The following C5orf34 variants were observed in gnomAD, a reference collection of about 807,000 sequenced individuals.
C5orf34 encodes the protein chromosome 5 open reading frame 34.
A neutral mutation model predicts 78.4 loss-of-function variants in C5orf34; 73 were observed. The observed-to-expected ratio is 0.93, with a 90% confidence interval of 0.77 to 1.13. The LOEUF is 1.13. Ranked by LOEUF, C5orf34 falls within the 50% of genes most tolerant of loss-of-function variation. C5orf34 has a pLI of 0.00. For missense variants in C5orf34, 730 were observed against 732.7 expected, an observed-to-expected ratio of 1.00 and a Z score of 0.04; for synonymous variants, 251 against 246.6, an observed-to-expected ratio of 1.02 and a Z score of -0.17.
Position 43,486,944 on chromosome 5 carries a change from C to A in C5orf34, c.1888G>T (p.Asp630Tyr). The A allele has an allele frequency of 1.3e-6, 2 of 1,548,812 alleles. No individual in the cohort carries two copies. The highest frequency in any genetic ancestry group is 1.2e-5 in the South Asian group (1 of 80,052). The change falls in exon 13 of 13, where the codon GAC becomes TAC. Residue 630 changes from aspartate to tyrosine, a missense_variant. Transcript: ENST00000306862. ...KKTSEILHDI[D>Y]CLLSNSKK ...TTTTTAGAGTTTGATAGAAGACAGT[C>A]AATATCGTGAAGGATTTCAGAGGTT...
At chr5:43,507,359 G>A (rs1039390421) in intron 3 of C5orf34, among the ~76,000 whole-genome samples, 4 of 152,110 alleles carry the variant, frequency 2.6e-5, no homozygotes, top group Admixed American at 6.6e-5. Flanking sequence ...AATTTACCAT[G>A]CTATCTATAT....
At chr5:43,494,656 AC>A in intron 6 of C5orf34, 55 bp from the exon 7 acceptor site, 1 of 982,036 alleles carries the variant, frequency 1.0e-6, no homozygotes, top group Non-Finnish European at 1.6e-6. Flanking sequence ...GGCCTTTATT[AC>A]TTAGCTGCTT....
At chr5:43,494,450 A>G (rs1429321222) in intron 7 of C5orf34, 60 bp downstream of exon 7, 1 of 1,097,350 alleles carries the variant, frequency 9.1e-7, no homozygotes, top group African/African-American at 1.6e-5. Flanking sequence ...TAATCACAAG[A>G]AAATGTGCCA....
At position 43,486,900 on chromosome 5, in the gene C5orf34, T is replaced by C. The variant is rs909110300; in HGVS notation, c.*15A>G. On this transcript the variant is annotated 3_prime_UTR_variant, in exon 13 of 13. Coordinates refer to ENST00000306862, the MANE Select transcript of C5orf34 (RefSeq NM_198566.4). Reference sequence around the variant, plus strand: ...ATCCTTAAACTTTAATAATATGTTGTAATAATTCCATTTTTCACTTTTTAG... The same window carrying C: ...ATCCTTAAACTTTAATAATATGTTGCAATAATTCCATTTTTCACTTTTTAG... 6.9e-7 allele frequency: 1 copy of C among 1,452,008 alleles called. No individual in the cohort carries two copies. Among genetic ancestry groups the C allele is most frequent in the Admixed American group, 2.5e-5 (1 of 40,262 alleles). The allele number at this position is 1,452,008 out of a possible 1,614,324, so 89.9% of individuals were successfully genotyped here. A position where few individuals can be genotyped will look rare whatever the true frequency, so the allele number is the denominator to read the frequency against.
intron 11 of C5orf34, 74 bp from the exon 12 acceptor site, chr5:43,488,023 C>A: frequency 8.4e-7 from 1 of 1,185,398 alleles, no homozygotes; most frequent in Non-Finnish European, 1.2e-6. Flanking sequence ...AATAAGCATA[C>A]CTGACTTTTT....
intron 1 of C5orf34, among the ~76,000 whole-genome samples, chr5:43,510,462 C>T (rs1746180369): frequency 6.6e-6 from 1 of 152,150 alleles, no homozygotes; most frequent in African/African-American, 2.4e-5. Context: ...CCCTCTCCCT[C>T]TCTTTCTACG....
intron 4 of C5orf34, 158 bp downstream of exon 4, chr5:43,505,590 C>G: frequency 7.8e-6 from 5 of 644,890 alleles, no homozygotes; most frequent in Non-Finnish European, 1.3e-5. Flanking sequence ...AAAACATAAG[C>G]AACACATTTG....
intron 7 of C5orf34, among the ~76,000 whole-genome samples, chr5:43,494,060 G>C (rs1316123765): frequency 2.0e-5 from 3 of 151,896 alleles, no homozygotes; most frequent in African/African-American, 7.3e-5. Context: ...CATTCTTCTG[G>C]GTATCATAGA....
intron 5 of C5orf34, 69 bp downstream of exon 5, chr5:43,503,596 G>A (rs78152896): frequency 0.048 from 48,098 of 1,011,866 alleles, 1,921 homozygotes; most frequent in African/African-American, 0.18. Context: ...TATAAGGCTC[G>A]TCCCATCTTC....
Position 43,508,493 on chromosome 5 carries a change from G to GA in C5orf34, c.285+83dup, listed in dbSNP as rs1472204796. The GA allele has an allele frequency of 1.2e-5, 10 of 824,754 alleles. No individual in the cohort carries two copies. The East Asian group carries it at 2.0e-4, about 16-fold the overall frequency. 51.1% of individuals were successfully genotyped at this position (824,754 alleles called of 1,614,324 possible). On this transcript the variant is annotated intron_variant, in intron 3 of 12. Coordinates refer to ENST00000306862, the MANE Select transcript of C5orf34 (RefSeq NM_198566.4). ...ATGTATCCCCAGGTGTCCTGAAAAG[G>GA]AAAAAAAGGCTAAATATTAAATTAC... is the stretch of plus-strand genomic sequence containing the variant.
At chr5:43,511,311 C>G (rs6863112) in intron 1 of C5orf34, 157,670 of 160,424 alleles carry the variant, frequency 0.98, 77,544 homozygotes, top group Middle Eastern at 1. Flanking sequence ...TTAGTGAGGA[C>G]CGTCTCTGCC....
intron 4 of C5orf34, among the ~76,000 whole-genome samples, chr5:43,504,877 C>T (rs1745914264): frequency 6.6e-6 from 1 of 152,200 alleles, no homozygotes; most frequent in Non-Finnish European, 1.5e-5. Flanking sequence ...ATAATCATGA[C>T]AAGCCTAACA....
At chr5:43,497,248 AT>A (rs1745571399) in intron 6 of C5orf34, among the ~76,000 whole-genome samples, 1 of 152,148 alleles carries the variant, frequency 6.6e-6, no homozygotes. Flanking sequence ...TTCTTTTTAG[AT>A]AATACTAAAA....
chr5:43,512,316 T>C (rs1420687218), intron 1 of C5orf34, among the ~76,000 whole-genome samples: 2 of 152,102 alleles, frequency 1.3e-5, no homozygotes, highest in African/African-American at 4.8e-5. Flanking sequence ...CAGAAAAAAA[T>C]AACGTTCTAT....
Position 43,502,365 on chromosome 5 carries a change from G to T in C5orf34, c.1152+7C>A. ...CTCTTCTTGAGTTGAGTTCATTGTTGGCTTACCTTTCCTGATCCTTCTTGA... is the reference window on the plus strand; with the variant it reads ...CTCTTCTTGAGTTGAGTTCATTGTTTGCTTACCTTTCCTGATCCTTCTTGA... On this transcript the variant is annotated splice_region_variant and intron_variant, in intron 6 of 12. Coordinates refer to ENST00000306862, the MANE Select transcript of C5orf34 (RefSeq NM_198566.4). 6.2e-7 allele frequency: 1 copy of T among 1,610,860 alleles called. No individual in the cohort carries two copies. Among genetic ancestry groups the T allele is most frequent in the South Asian group, 1.1e-5 (1 of 90,304 alleles).
intron 12 of C5orf34, 94 bp downstream of exon 12, chr5:43,487,815 A>G (rs1745125510): frequency 2.2e-6 from 2 of 891,466 alleles, no homozygotes; most frequent in South Asian, 3.1e-5. Context: ...TATATTAAGT[A>G]TAGATTAATA....
intron 1 of C5orf34, among the ~76,000 whole-genome samples, chr5:43,510,884 GTC>G (rs769145789): frequency 7.2e-5 from 11 of 152,194 alleles, no homozygotes; most frequent in Non-Finnish European, 1.6e-4. Context: ...AGTGAGGAGT[GTC>G]TCTGCCTGGC....
At chr5:43,491,142 T>C (rs1001704920) in intron 10 of C5orf34, among the ~76,000 whole-genome samples, 5 of 152,232 alleles carry the variant, frequency 3.3e-5, no homozygotes, top group African/African-American at 1.2e-4. Flanking sequence ...AAACACCTGC[T>C]AATGCATATA....
intron 11 of C5orf34, chr5:43,488,346 G>T: frequency 5.7e-6 from 1 of 176,612 alleles, no homozygotes; most frequent in Non-Finnish European, 1.2e-5. Flanking sequence ...CTCCTTCCTT[G>T]AATTCCTATA....
Sources: gnomAD v4.1 joint callset for allele counts (sites outside exome capture counted in the v4.1 genomes callset) on GRCh38, gnomAD v4.1.1 for gene constraint, MANE v1.5 for transcripts, NCBI Gene and HGNC (gene_info 2026-07-23, HGNC 2026-07-21) for gene names.